NLRP1: variants seen among roughly 807,000 people sequenced by gnomAD.
The protein encoded by NLRP1 is NACHT, LRR and PYD domains-containing protein 1.
Under a neutral mutation model 136.7 loss-of-function variants are expected in NLRP1, and 94 were observed. That is an observed-to-expected ratio of 0.69 (90% CI 0.58 to 0.82). The LOEUF (loss-of-function observed/expected upper bound fraction) is 0.82. NLRP1 is among the 40% of genes least tolerant of loss of function. The pLI, the probability that NLRP1 is intolerant of heterozygous loss-of-function variation, is 0.00. For missense variants in NLRP1, 1,575 were observed against 1,802.7 expected, an observed-to-expected ratio of 0.87 and a Z score of 2.29; for synonymous variants, 690 against 725.1, an observed-to-expected ratio of 0.95 and a Z score of 0.78.
intron 3 of NLRP1, among the ~76,000 whole-genome samples, chr17:5,566,706 T>C (rs1915371346): frequency 6.6e-6 from 1 of 152,140 alleles, no homozygotes; most frequent in Non-Finnish European, 1.5e-5. Flanking sequence ...TTAAGTTTCA[T>C]GTTTCTTTGC....
At chr17:5,573,213 CT>C (rs1904618633) in intron 3 of NLRP1, among the ~76,000 whole-genome samples, 3 of 152,188 alleles carry the variant, frequency 2.0e-5, no homozygotes, top group Non-Finnish European at 2.9e-5. Context: ...CGGAGCCTCA[CT>C]TATTGCTAGC....
At chr17:5,517,941 T>C in intron 14 of NLRP1, 54 bp from the exon 15 acceptor site, 1 of 1,594,358 alleles carries the variant, frequency 6.3e-7, no homozygotes. Context: ...TGGAAGGTCT[T>C]TCCCCACCTG....
chr17:5,517,584 C>T (rs972652556), intron 15 of NLRP1, among the ~76,000 whole-genome samples, 162 bp downstream of exon 15: 2 of 152,158 alleles, frequency 1.3e-5, no homozygotes, highest in Non-Finnish European at 2.9e-5. Context: ...GATGGGGTTT[C>T]ACCATATTGG....
In NLRP1 at chr17:5,553,532, A is replaced by G. The variant is rs1327044148; in HGVS notation, c.2382T>C (p.Asp794=). 5 of 1,614,078 alleles carry G rather than the reference A, an allele frequency of 3.1e-6. No homozygotes were observed. Among genetic ancestry groups the G allele is most frequent in the Non-Finnish European group, 3.4e-6 (4 of 1,180,000 alleles). Residue 794 remains aspartate, a synonymous_variant, in exon 5 of 17, where the codon GAT becomes GAC. Transcript: ENST00000572272. The stretch of plus-strand genomic sequence containing the variant: ...CGGAGAAGAGAATCTGCCAATAGGC[A>G]TCTGTGACTGGGACCCACCTGAACC... ...VVLFRWVPVT[D]AYWQILFSVL...
At chr17:5,516,915 G>A (rs1908190889) in intron 15 of NLRP1, among the ~76,000 whole-genome samples, 1 of 152,198 alleles carries the variant, frequency 6.6e-6, no homozygotes, top group South Asian at 2.1e-4. Context: ...TAGAAGGACT[G>A]TTTGGGGGTT....
intron 10 of NLRP1, 62 bp downstream of exon 10, chr17:5,533,242 T>C: frequency 1.3e-6 from 2 of 1,550,034 alleles, no homozygotes; most frequent in Non-Finnish European, 1.7e-6. Context: ...CATGCCCAGG[T>C]GGGCAGGTTG....
intron 14 of NLRP1, 34 bp from the exon 15 acceptor site, chr17:5,517,921 T>C: frequency 6.2e-7 from 1 of 1,611,308 alleles, no homozygotes; most frequent in African/African-American, 1.3e-5. Flanking sequence ...GCCACCCTGT[T>C]CATCTTGCAT....
At chr17:5,540,719 C>T (rs984719997) in intron 6 of NLRP1, among the ~76,000 whole-genome samples, 4 of 152,144 alleles carry the variant, frequency 2.6e-5, no homozygotes, top group Admixed American at 6.5e-5. Flanking sequence ...CAGGGATCGC[C>T]GACCCCTGAT....
chr17:5,577,661 TATC>T (rs1236130226), intron 3 of NLRP1, among the ~76,000 whole-genome samples: 2 of 152,132 alleles, frequency 1.3e-5, no homozygotes, highest in Non-Finnish European at 2.9e-5. Flanking sequence ...GAAGAATCAA[TATC>T]ATGAAAATGG....
In NLRP1 at chr17:5,504,981, T is replaced by A. The variant is rs529477727; in HGVS notation, c.4070-3109A>T. On this transcript the variant is annotated intron_variant, in intron 15 of 15. Transcript: ENST00000262467. The surrounding 1 kb of genome is among the most constrained non-coding windows in gnomAD (Gnocchi z 4.4). ...AGTGGGTGGGTGGGAGAGAAGGACC[T>A]TCTGGGAATCTCTGCTGCCTGGGCT... 62 of 152,892 alleles carry A rather than the reference T, an allele frequency of 4.1e-4. No individual in the cohort carries two copies. Among genetic ancestry groups the A allele is most frequent in the African/African-American group, 1.4e-3 (60 of 41,584 alleles). 9.5% of individuals were successfully genotyped at this position (152,892 alleles called of 1,614,324 possible). A position where few individuals can be genotyped will look rare whatever the true frequency, so the allele number is the denominator to read the frequency against.
At position 5,582,865 on chromosome 17, in the gene NLRP1, G is replaced by A. The variant is rs771725859; in HGVS notation, c.272-19C>T. ...GAGTGGCCTACAGGAAAGAGACAAA[G>A]AGGTTGGAGACACATCAGAGGGGCA... On this transcript the variant is annotated intron_variant, in intron 1 of 16. Coordinates refer to ENST00000572272, the MANE Select transcript of NLRP1 (RefSeq NM_033004.4). 1 of 1,585,480 alleles carries A rather than the reference G, an allele frequency of 6.3e-7. No individual in the cohort carries two copies.
intron 4 of NLRP1, among the ~76,000 whole-genome samples, chr17:5,557,271 C>T (rs1486940533): frequency 6.6e-6 from 1 of 152,062 alleles, no homozygotes; most frequent in East Asian, 1.9e-4. Flanking sequence ...TCCCAAAGTA[C>T]TGGAATTACA....
At chr17:5,548,740 C>A (rs1471177500) in intron 5 of NLRP1, among the ~76,000 whole-genome samples, 2 of 151,042 alleles carry the variant, frequency 1.3e-5, no homozygotes, top group East Asian at 3.9e-4. Context: ...AAATTTCAGT[C>A]CTTATCTTGA....
chr17:5,557,113 C>T (rs576720049), intron 4 of NLRP1, among the ~76,000 whole-genome samples: 52 of 152,304 alleles, frequency 3.4e-4, no homozygotes, highest in African/African-American at 1.1e-3. Flanking sequence ...AAGTGATTCT[C>T]ATGCCTCAGT....
downstream of NLRP1, among the ~76,000 whole-genome samples, chr17:5,511,492 C>T (rs958545656): frequency 6.6e-6 from 1 of 151,616 alleles, no homozygotes; most frequent in Non-Finnish European, 1.5e-5. Flanking sequence ...TGTGTCTCCC[C>T]CATCCCCACA....
intron 5 of NLRP1, among the ~76,000 whole-genome samples, chr17:5,544,355 T>C (rs1249942539): frequency 6.6e-6 from 1 of 152,136 alleles, no homozygotes; most frequent in African/African-American, 2.4e-5. Flanking sequence ...CCACCACTGA[T>C]CTAGATACCT....
In NLRP1 at chr17:5,569,478, T is replaced by G. The variant is rs138832564; in HGVS notation, c.653-9435A>C. On this transcript the variant is annotated intron_variant, in intron 3 of 16. Transcript: ENST00000572272. The stretch of plus-strand genomic sequence containing the variant: ...ACAAAAGCACGGATTGCCATTCTAA[T>G]TTCACACAAAACAGACTTCAAATCA... 5.9e-5 allele frequency among the ~76,000 whole-genome samples: 9 copies of G among 152,264 alleles called. No homozygotes were observed. The East Asian group carries it at 1.7e-3, about 29-fold the overall frequency.
At chr17:5,526,643 G>T (rs1035424638) in intron 12 of NLRP1, among the ~76,000 whole-genome samples, 9 of 152,200 alleles carry the variant, frequency 5.9e-5, no homozygotes, top group Non-Finnish European at 8.8e-5. Context: ...GGACCCGAAG[G>T]ACAAGGCCAG....
At chr17:5,569,504 A>G (rs79067102) in intron 3 of NLRP1, among the ~76,000 whole-genome samples, 2,704 of 152,312 alleles carry the variant, frequency 0.018, 74 homozygotes, top group African/African-American at 0.062. Context: ...CTTCAAATCA[A>G]CATCAATCAA....
Sources: gnomAD v4.1 joint callset for allele counts (sites outside exome capture counted in the v4.1 genomes callset) on GRCh38, gnomAD v4.1.1 for gene constraint, Gnocchi (gnomAD v3.1) non-coding constraint, MANE v1.5 for transcripts, NCBI Gene and HGNC (gene_info 2026-07-23, HGNC 2026-07-21) for gene names.